Variants in TBC1D5 observed in about 807,000 individuals in gnomAD.
The protein encoded by TBC1D5 is TBC1 domain family member 5.
Under a neutral mutation model 100.3 loss-of-function variants are expected in TBC1D5, and 75 were observed. That is an observed-to-expected ratio of 0.75 (90% confidence interval 0.62 to 0.91). The LOEUF is 0.91. TBC1D5 is among the 40% of genes least tolerant of loss of function. The pLI is 0.00. For missense variants in TBC1D5, 910 were observed against 942.4 expected (o/e 0.97, Z 0.45); for synonymous variants, 323 against 325.6 (o/e 0.99, Z 0.09).
chr3:17,621,642 C>T (rs2153650849), intron 2 of TBC1D5, among the ~76,000 whole-genome samples: 1 of 152,224 alleles, frequency 6.6e-6, no homozygotes, highest in South Asian at 2.1e-4. Flanking sequence ...TTCCCCTAAC[C>T]AGAGACATCT....
At chr3:17,245,296 A>C (rs1366459642) in intron 16 of TBC1D5, among the ~76,000 whole-genome samples, 1 of 152,204 alleles carries the variant, frequency 6.6e-6, no homozygotes, top group Non-Finnish European at 1.5e-5. Flanking sequence ...ACTTCAATGA[A>C]AGACTTCTAT....
chr3:17,160,918 C>T, exon 22 of TBC1D5: 1 of 1,579,230 alleles, frequency 6.3e-7, no homozygotes, highest in South Asian at 1.2e-5. Context: ...CTTGGGGCCA[C>T]TGAAGGGTGG....
intron 13 of TBC1D5, among the ~76,000 whole-genome samples, chr3:17,362,699 T>C (rs1033487485): frequency 6.6e-6 from 1 of 152,160 alleles, no homozygotes; most frequent in Non-Finnish European, 1.5e-5. Context: ...CTTGAACTCT[T>C]GGCCTCAAGT....
intron 14 of TBC1D5, among the ~76,000 whole-genome samples, chr3:17,302,362 T>G (rs2082938252): frequency 6.6e-6 from 1 of 152,156 alleles, no homozygotes; most frequent in African/African-American, 2.4e-5. Flanking sequence ...AGGACACCAG[T>G]CATATTGGAT....
At chr3:17,735,262 C>T (rs994688580) in intron 1 of TBC1D5, among the ~76,000 whole-genome samples, 2 of 152,208 alleles carry the variant, frequency 1.3e-5, no homozygotes, top group East Asian at 1.9e-4. Flanking sequence ...ATCTAGGTGT[C>T]TAAGAATGGA....
intron 4 of TBC1D5, among the ~76,000 whole-genome samples, chr3:17,425,305 G>A (rs1164706535): frequency 6.6e-6 from 1 of 152,196 alleles, no homozygotes; most frequent in Non-Finnish European, 1.5e-5. Context: ...ATCAGGATCT[G>A]AACCAGTACA....
intron 18 of TBC1D5, 36 bp from the exon 20 acceptor site, chr3:17,185,244 G>A (rs1340402751): frequency 6.4e-7 from 1 of 1,566,428 alleles, no homozygotes; most frequent in Non-Finnish European, 8.8e-7. Context: ...AAATTTTTTA[G>A]AGATTGTCAA....
intron 2 of TBC1D5, among the ~76,000 whole-genome samples, chr3:17,597,095 T>C (rs2060623199): frequency 6.6e-6 from 1 of 152,250 alleles, no homozygotes; most frequent in Non-Finnish European, 1.5e-5. Flanking sequence ...TGTGAAGTTA[T>C]ATGTAGGCAG....
chr3:17,587,179 G>C (rs2096738176), intron 2 of TBC1D5, among the ~76,000 whole-genome samples: 2 of 151,672 alleles, frequency 1.3e-5, no homozygotes, highest in African/African-American at 4.8e-5. Context: ...CATACACACA[G>C]ATATATTTAC....
At chr3:17,625,874 G>A (rs1235531288) in intron 1 of TBC1D5, among the ~76,000 whole-genome samples, 1 of 151,962 alleles carries the variant, frequency 6.6e-6, no homozygotes, top group Non-Finnish European at 1.5e-5. Flanking sequence ...ATTCCTAGTT[G>A]TTTGAGTTTA....
chr3:17,383,863 T>A, intron 9 of TBC1D5, 50 bp downstream of exon 9: 2 of 1,406,832 alleles, frequency 1.4e-6, no homozygotes, highest in Non-Finnish European at 2.0e-6. Context: ...TGTCAAGCTG[T>A]ATAGAAAATT....
intron 13 of TBC1D5, among the ~76,000 whole-genome samples, chr3:17,312,419 T>C (rs2084138089): frequency 1.3e-5 from 2 of 152,164 alleles, no homozygotes; most frequent in Non-Finnish European, 1.5e-5. Flanking sequence ...TGAAGATATA[T>C]TTGAATCCTT....
At chr3:17,411,124 G>T (rs1328913745) in intron 4 of TBC1D5, among the ~76,000 whole-genome samples, 2 of 151,870 alleles carry the variant, frequency 1.3e-5, no homozygotes, top group African/African-American at 4.8e-5. Flanking sequence ...ACCCTAACTA[G>T]TGGGAAGCCA....
At chr3:17,299,664 C>T (rs1575197575) in intron 14 of TBC1D5, among the ~76,000 whole-genome samples, 1 of 152,116 alleles carries the variant, frequency 6.6e-6, no homozygotes, top group Admixed American at 6.5e-5. Flanking sequence ...GGAGACCATC[C>T]TGGCTAACAT....
intron 4 of TBC1D5, among the ~76,000 whole-genome samples, chr3:17,413,051 G>A (rs1362002858): frequency 6.6e-6 from 1 of 152,176 alleles, no homozygotes; most frequent in Non-Finnish European, 1.5e-5. Flanking sequence ...GGGTGTTTAG[G>A]TGTGCAAAAC....
At chr3:17,662,468 T>G (rs548217628) in intron 1 of TBC1D5, among the ~76,000 whole-genome samples, 29 of 152,366 alleles carry the variant, frequency 1.9e-4, no homozygotes, top group African/African-American at 6.7e-4. Context: ...ATGAACTGTT[T>G]AAAATATTTT....
chr3:17,534,464 T>C (rs1576567346), intron 2 of TBC1D5, among the ~76,000 whole-genome samples: 1 of 152,316 alleles, frequency 6.6e-6, no homozygotes, highest in South Asian at 2.1e-4. Context: ...ATCTTCTTTT[T>C]ACCTGTTCCT....
exon 22 of TBC1D5, chr3:17,158,400 TATA>T (rs1184569768): frequency 2.2e-4 from 34 of 152,312 alleles, no homozygotes; most frequent in African/African-American, 7.2e-4. Flanking sequence ...TATCTGATAA[TATA>T]ATAAAAAGGA....
intron 3 of TBC1D5, among the ~76,000 whole-genome samples, chr3:17,485,141 T>A (rs895399440): frequency 2.0e-5 from 3 of 152,158 alleles, no homozygotes; most frequent in African/African-American, 7.2e-5. Context: ...TTTACCTAAA[T>A]GTTTCTGGTA....
Sources: allele counts gnomAD v4.1 joint callset (sites outside exome capture counted in the v4.1 genomes callset), GRCh38; gene constraint gnomAD v4.1.1; transcripts MANE v1.5; gene names NCBI Gene and HGNC (gene_info 2026-07-23, HGNC 2026-07-21).